The following ARPP21 variants were observed in gnomAD, a reference collection of about 807,000 sequenced individuals.
ARPP21 encodes the protein cAMP regulated phosphoprotein 21, also known as cAMP-regulated phosphoprotein 21.
A neutral mutation model predicts 113.2 loss-of-function variants in ARPP21; 69 were observed. That is an observed-to-expected ratio of 0.61 (90% CI 0.50 to 0.74). ARPP21 has a LOEUF of 0.74. Ranked by LOEUF, ARPP21 falls within the 30% of genes least tolerant of loss-of-function variation. The pLI is 0.00. For missense variants in ARPP21, 1,070 were observed against 1,037.4 expected (o/e 1.03, Z -0.43); for synonymous variants, 368 against 375.5 (o/e 0.98, Z 0.23).
chr3:35,730,920 CTTCAGA>C (rs1415361283), intron 15 of ARPP21, among the ~76,000 whole-genome samples: 1 of 152,108 alleles, frequency 6.6e-6, no homozygotes, highest in Non-Finnish European at 1.5e-5. Flanking sequence ...CGTTTGAAAG[CTTCAGA>C]TTAGATATTT....
chr3:35,707,111 CATT>C (rs778414165), intron 10 of ARPP21, 29 bp downstream of exon 10: 44 of 1,556,794 alleles, frequency 2.8e-5, no homozygotes, highest in East Asian at 1.1e-4. Flanking sequence ...GAGTGGCTGA[CATT>C]GTTGTTTTTG....
At chr3:35,684,141 A>C in intron 5 of ARPP21, 1 of 1,447,220 alleles carries the variant, frequency 6.9e-7, no homozygotes, top group Non-Finnish European at 9.1e-7. Flanking sequence ...GGCTGAACCA[A>C]ATATAATCCC....
intron 19 of ARPP21, among the ~76,000 whole-genome samples, chr3:35,764,508 T>G (rs1399516135): frequency 6.6e-6 from 1 of 152,150 alleles, no homozygotes; most frequent in African/African-American, 2.4e-5. Flanking sequence ...TAAATTTGGA[T>G]TCTTATGTGC....
At chr3:35,715,348 A>AT in intron 11 of ARPP21, 91 bp from the exon 12 acceptor site, 1 of 993,132 alleles carries the variant, frequency 1.0e-6, no homozygotes, top group Non-Finnish European at 1.6e-6. Flanking sequence ...TTCCCCTATG[A>AT]GGGGAAAGTT....
chr3:35,681,255 C>T (rs1004034406), intron 2 of ARPP21: 11 of 153,246 alleles, frequency 7.2e-5, no homozygotes, highest in African/African-American at 2.7e-4. Context: ...CTACTGTATT[C>T]TTTATACCTA....
At chr3:35,660,444 T>A (rs1432165703) in intron 1 of ARPP21, among the ~76,000 whole-genome samples, 2 of 152,146 alleles carry the variant, frequency 1.3e-5, no homozygotes, top group Non-Finnish European at 2.9e-5. Context: ...TATCCGCACA[T>A]ACACCATAAA....
At chr3:35,757,577 G>C (rs1257645529) in intron 19 of ARPP21, among the ~76,000 whole-genome samples, 1 of 152,096 alleles carries the variant, frequency 6.6e-6, no homozygotes, top group Non-Finnish European at 1.5e-5. Flanking sequence ...GACAATCCAA[G>C]TGGTGGTTTT....
At chr3:35,701,885 C>A (rs1216448695) in intron 9 of ARPP21, among the ~76,000 whole-genome samples, 1 of 151,402 alleles carries the variant, frequency 6.6e-6, no homozygotes, top group Non-Finnish European at 1.5e-5. Context: ...AACAAAATAT[C>A]TAAATACCTA....
At chr3:35,761,171 T>C (rs1051444879) in intron 19 of ARPP21, among the ~76,000 whole-genome samples, 38 of 152,104 alleles carry the variant, frequency 2.5e-4, no homozygotes, top group Middle Eastern at 3.2e-3. Context: ...TGAGTTCAAA[T>C]CGAGGGCAAA....
At chr3:35,738,067 T>C in intron 16 of ARPP21, 147 bp from the exon 17 acceptor site, 1 of 583,058 alleles carries the variant, frequency 1.7e-6, no homozygotes, top group Non-Finnish European at 3.1e-6. Flanking sequence ...CTCTGGTCTT[T>C]CAGAGCCTTG....
chr3:35,727,390 G>A (rs1257920785), intron 14 of ARPP21, among the ~76,000 whole-genome samples: 1 of 152,156 alleles, frequency 6.6e-6, no homozygotes, highest in Non-Finnish European at 1.5e-5. Flanking sequence ...TGTAGAGGCA[G>A]TATTAGTCAT....
At chr3:35,702,054 T>G (rs2086619574) in intron 9 of ARPP21, among the ~76,000 whole-genome samples, 1 of 151,784 alleles carries the variant, frequency 6.6e-6, no homozygotes, top group Non-Finnish European at 1.5e-5. Context: ...TTTGCATTAT[T>G]TTGTTGTTAT....
chr3:35,754,373 A>G (rs1271745436), intron 19 of ARPP21, among the ~76,000 whole-genome samples: 1 of 151,940 alleles, frequency 6.6e-6, no homozygotes, highest in Non-Finnish European at 1.5e-5. Flanking sequence ...GCATTATTAT[A>G]TTTCCAAAAG....
chr3:35,778,118 A>G (rs1334631343), intron 19 of ARPP21, among the ~76,000 whole-genome samples: 1 of 152,212 alleles, frequency 6.6e-6, no homozygotes, highest in Non-Finnish European at 1.5e-5. Flanking sequence ...GTATTCCACT[A>G]AAAGCGTTGT....
intron 1 of ARPP21, among the ~76,000 whole-genome samples, chr3:35,677,345 C>A (rs4678792): frequency 6.6e-6 from 1 of 151,640 alleles, no homozygotes; most frequent in East Asian, 2.0e-4. Context: ...TGAAAGACAG[C>A]ATATCATATG....
intron 14 of ARPP21, 42 bp from the exon 15 acceptor site, chr3:35,729,261 C>G (rs368312315): frequency 8.4e-5 from 117 of 1,391,938 alleles, no homozygotes; most frequent in Non-Finnish European, 1.1e-4. Flanking sequence ...TTTCTCTCAT[C>G]TCTGTGTGTT....
chr3:35,646,390 T>C (rs1162272388), intron 1 of ARPP21, among the ~76,000 whole-genome samples: 1 of 152,104 alleles, frequency 6.6e-6, no homozygotes, highest in African/African-American at 2.4e-5. Context: ...TTGATGGAAA[T>C]CCCAGCGTTG....
intron 1 of ARPP21, among the ~76,000 whole-genome samples, chr3:35,645,382 T>A (rs1358510863): frequency 6.6e-6 from 1 of 151,922 alleles, no homozygotes; most frequent in Non-Finnish European, 1.5e-5. Context: ...ACATTCAAAA[T>A]TTTTCACAAG....
intron 1 of ARPP21, chr3:35,642,305 T>C (rs1167793237): frequency 1.3e-5 from 2 of 152,124 alleles, no homozygotes; most frequent in Non-Finnish European, 2.9e-5. Flanking sequence ...CTATTTTTAA[T>C]GCTATTTAAT....
Sources: allele counts gnomAD v4.1 joint callset (sites outside exome capture counted in the v4.1 genomes callset), GRCh38; gene constraint gnomAD v4.1.1; transcripts MANE v1.5; gene names NCBI Gene and HGNC (gene_info 2026-07-23, HGNC 2026-07-21).